The following PANX1 variants were observed in gnomAD, a reference collection of about 807,000 sequenced individuals.
The protein encoded by PANX1 is pannexin-1.
In PANX1, 30 loss-of-function variants were observed where a neutral mutation model predicts 38.7. The ratio of observed to expected loss-of-function variants is 0.78; its 90% CI spans 0.58 to 1.05. The LOEUF (loss-of-function observed/expected upper bound fraction) is 1.05. PANX1 is among the 50% of genes least tolerant of loss of function. The pLI, the probability that PANX1 is intolerant of heterozygous loss-of-function variation, is 0.00. For missense variants in PANX1, 551 were observed against 517.2 expected, an observed-to-expected ratio of 1.07 and a Z score of -0.63; for synonymous variants, 230 against 212.2, an observed-to-expected ratio of 1.08 and a Z score of -0.73.
intron 2 of PANX1, among the ~76,000 whole-genome samples, chr11:94,156,920 C>T (rs11020660): frequency 6.6e-6 from 1 of 151,184 alleles, no homozygotes; most frequent in Admixed American, 6.6e-5. Context: ...TGTTCCCCTT[C>T]CTGTGTCCAT....
At chr11:94,165,826 C>G (rs1947096680) in intron 2 of PANX1, among the ~76,000 whole-genome samples, 7 of 152,206 alleles carry the variant, frequency 4.6e-5, no homozygotes, top group Admixed American at 3.9e-4. Context: ...AGAAGAATCA[C>G]TTGAACTTAC....
intron 1 of PANX1, among the ~76,000 whole-genome samples, chr11:94,131,949 C>T (rs373703856): frequency 9.2e-5 from 14 of 152,146 alleles, no homozygotes; most frequent in South Asian, 4.1e-4. Flanking sequence ...ACTCAGGCCC[C>T]GGGAAGACAC....
At chr11:94,138,272 C>T (rs59370940) in intron 1 of PANX1, among the ~76,000 whole-genome samples, 5,236 of 152,152 alleles carry the variant, frequency 0.034, 310 homozygotes, top group African/African-American at 0.12. Flanking sequence ...TGTTTTAAGT[C>T]GCATTTATTC....
intron 3 of PANX1, 41 bp downstream of exon 3, chr11:94,178,633 AC>A: frequency 6.7e-7 from 1 of 1,488,526 alleles, no homozygotes; most frequent in Non-Finnish European, 9.4e-7. Context: ...GTTTTGTAGG[AC>A]AAATTCTCTG....
chr11:94,149,033 A>T lies in PANX1; in HGVS notation c.182-4458A>T, dbSNP rs543318436. On this transcript the variant is annotated intron_variant, in intron 1 of 4. Transcript: ENST00000227638. ...CACACCTCACTTTCCTCACCTTTAA[A>T]ATAGGGGTGAAAGTACACAGCAAGG... Among the ~76,000 whole-genome samples, 130 of 152,248 alleles carry T rather than the reference A, an allele frequency of 8.5e-4. 1 individual carries two copies. The highest frequency in any genetic ancestry group is 1.4e-3 in the Admixed American group (22 of 15,290).
At chr11:94,133,997 G>C (rs1300258953) in intron 1 of PANX1, among the ~76,000 whole-genome samples, 1 of 151,462 alleles carries the variant, frequency 6.6e-6, no homozygotes, top group East Asian at 1.9e-4. Context: ...GGTCAGGCCT[G>C]TCCTGGCCAC....
intron 2 of PANX1, among the ~76,000 whole-genome samples, chr11:94,158,462 A>G (rs1277112172): frequency 6.6e-6 from 1 of 152,076 alleles, no homozygotes; most frequent in Non-Finnish European, 1.5e-5. Context: ...GAGGTCCTTC[A>G]CATCCCTTGT....
chr11:94,146,331 C>T (rs1214329346), intron 1 of PANX1, among the ~76,000 whole-genome samples: 15 of 97,902 alleles, frequency 1.5e-4, no homozygotes, highest in Admixed American at 1.5e-3. Flanking sequence ...GTAGAAGGAG[C>T]AAATCAAGTT....
intron 2 of PANX1, among the ~76,000 whole-genome samples, chr11:94,164,790 A>G (rs1368383324): frequency 6.6e-6 from 1 of 152,178 alleles, no homozygotes; most frequent in Non-Finnish European, 1.5e-5. Context: ...GTTCCCGACT[A>G]TTATTATATT....
At chr11:94,157,610 T>G (rs535335347) in intron 2 of PANX1, among the ~76,000 whole-genome samples, 3 of 152,328 alleles carry the variant, frequency 2.0e-5, no homozygotes, top group South Asian at 4.1e-4. Flanking sequence ...TAAATTTGTT[T>G]GAGTTCATTT....
intron 2 of PANX1, 110 bp downstream of exon 2, chr11:94,153,740 T>A: frequency 1.0e-6 from 1 of 990,194 alleles, no homozygotes; most frequent in Non-Finnish European, 1.5e-6. Context: ...ACCAGTGCTG[T>A]ATCTCAGATT....
intron 1 of PANX1, among the ~76,000 whole-genome samples, chr11:94,137,735 C>G: frequency 6.7e-6 from 1 of 149,702 alleles, no homozygotes; most frequent in Non-Finnish European, 1.5e-5. Context: ...GCTCACACTC[C>G]TTTTTAAAAT....
At chr11:94,140,159 G>A (rs752910181) in intron 1 of PANX1, among the ~76,000 whole-genome samples, 3 of 152,232 alleles carry the variant, frequency 2.0e-5, no homozygotes, top group Non-Finnish European at 4.4e-5. Flanking sequence ...CATGGACTTG[G>A]TGCTTCAGCT....
chr11:94,170,946 C>G lies in PANX1; in HGVS notation c.322-7423C>G, dbSNP rs111561983. ...TTAGTTCAGCGTGCTCATGGACTTGCGTAATTTCTTCCCATGCCTGTATTT... is the reference window on the plus strand; with the variant it reads ...TTAGTTCAGCGTGCTCATGGACTTGGGTAATTTCTTCCCATGCCTGTATTT... On this transcript the variant is annotated intron_variant, in intron 2 of 4. Coordinates refer to ENST00000227638, the MANE Select transcript of PANX1 (RefSeq NM_015368.4). Among the ~76,000 whole-genome samples the G allele has an allele frequency of 1.8e-3, 278 of 151,790 alleles. 11 individuals are homozygous for G. Among genetic ancestry groups the G allele is most frequent in the African/African-American group, 6.5e-3 (265 of 41,062 alleles).
chr11:94,169,967 G>A (rs1469336525), intron 2 of PANX1, among the ~76,000 whole-genome samples: 1 of 151,752 alleles, frequency 6.6e-6, no homozygotes, highest in Non-Finnish European at 1.5e-5. Context: ...GAATATTAGT[G>A]CATGGCTTTC....
At position 94,153,512 on chromosome 11, in the gene PANX1, C is replaced by G; in HGVS notation, c.203C>G (p.Ser68Cys). The G allele has an allele frequency of 6.2e-7, 1 of 1,614,160 alleles. No individual in the cohort carries two copies. The highest frequency in any genetic ancestry group is 8.5e-7 in the Non-Finnish European group (1 of 1,180,010). ...TTAGGTACACAGATAAGCTGTTTCT[C>G]TCCAAGTTCTTTCTCCTGGCGTCAG... is the stretch of plus-strand genomic sequence containing the variant. ...ISIGTQISCF[S>C]PSSFSWRQAA... The change falls in exon 2 of 5, where the codon TCT becomes TGT. Residue 68 changes from serine (S) to cysteine (C), a missense_variant. By Grantham distance (112) the Ser-to-Cys change is moderately radical. Coordinates refer to ENST00000227638, the MANE Select transcript of PANX1 (RefSeq NM_015368.4).
intron 1 of PANX1, among the ~76,000 whole-genome samples, chr11:94,143,225 A>G (rs1362578384): frequency 6.6e-6 from 1 of 152,236 alleles, no homozygotes; most frequent in Non-Finnish European, 1.5e-5. Context: ...GATGATGCAG[A>G]AGGACTTAAT....
intron 2 of PANX1, among the ~76,000 whole-genome samples, chr11:94,170,604 T>G (rs12417365): frequency 6.6e-6 from 1 of 151,466 alleles, no homozygotes; most frequent in African/African-American, 2.4e-5. Flanking sequence ...AAAGGTTTTC[T>G]TGTGGCTTCT....
intron 1 of PANX1, among the ~76,000 whole-genome samples, chr11:94,147,430 G>GT (rs550385708): frequency 1.3e-5 from 2 of 152,086 alleles, no homozygotes; most frequent in Admixed American, 6.6e-5. Context: ...AATTATATGG[G>GT]TTTTTTCTGT....
Sources: gnomAD v4.1 joint callset for allele counts (sites outside exome capture counted in the v4.1 genomes callset) on GRCh38, gnomAD v4.1.1 for gene constraint, MANE v1.5 for transcripts, NCBI Gene and HGNC (gene_info 2026-07-23, HGNC 2026-07-21) for gene names.